Variants in ADGRB3 observed in about 807,000 individuals in gnomAD.
ADGRB3 encodes the protein adhesion G protein-coupled receptor B3, also known as brain-specific angiogenesis inhibitor 3.
A neutral mutation model predicts 193.4 loss-of-function variants in ADGRB3; 37 were observed. That is an observed-to-expected ratio of 0.19 (90% CI 0.15 to 0.25). The LOEUF (loss-of-function observed/expected upper bound fraction) is 0.25, where lower values mean the gene tolerates loss of function less well. ADGRB3 is among the 10% of genes least tolerant of loss of function. ADGRB3 has a pLI of 1.00. For missense variants in ADGRB3, 1,637 were observed against 1,852.9 expected (o/e 0.88, Z 2.14); for synonymous variants, 690 against 644.2 (o/e 1.07, Z -1.08).
At chr6:68,678,273 A>G (rs1764803506) in intron 3 of ADGRB3, among the ~76,000 whole-genome samples, 1 of 152,214 alleles carries the variant, frequency 6.6e-6, no homozygotes, top group Non-Finnish European at 1.5e-5. Flanking sequence ...ATGCAGCCTT[A>G]TCCATCAGTA....
chr6:69,315,198 C>A (rs1413164149), intron 20 of ADGRB3, among the ~76,000 whole-genome samples: 1 of 151,424 alleles, frequency 6.6e-6, no homozygotes, highest in Non-Finnish European at 1.5e-5. Flanking sequence ...CTTTAAAGCA[C>A]AAGGCAACAT....
chr6:69,088,068 C>G (rs1247938371), intron 17 of ADGRB3, among the ~76,000 whole-genome samples: 1 of 152,138 alleles, frequency 6.6e-6, no homozygotes, highest in East Asian at 1.9e-4. Flanking sequence ...AGGGAGGTCT[C>G]TCCCTTTTAT....
At chr6:68,888,646 A>G (rs758521760) in intron 3 of ADGRB3, among the ~76,000 whole-genome samples, 1 of 152,138 alleles carries the variant, frequency 6.6e-6, no homozygotes, top group Non-Finnish European at 1.5e-5. Context: ...ATTATGGAAT[A>G]TAATGAGAGA....
intron 3 of ADGRB3, among the ~76,000 whole-genome samples, chr6:68,648,174 A>G (rs1337082104): frequency 6.6e-6 from 1 of 152,186 alleles, no homozygotes; most frequent in East Asian, 1.9e-4. Context: ...TCAATAAGTA[A>G]CAAATGCACT....
chr6:69,111,309 A>G (rs1385172813), intron 17 of ADGRB3, among the ~76,000 whole-genome samples: 2 of 152,212 alleles, frequency 1.3e-5, no homozygotes, highest in East Asian at 3.8e-4. Context: ...GAATATGTGA[A>G]CAAAACTGAA....
At chr6:69,178,787 A>G (rs1775502635) in intron 17 of ADGRB3, among the ~76,000 whole-genome samples, 2 of 152,156 alleles carry the variant, frequency 1.3e-5, no homozygotes, top group African/African-American at 4.8e-5. Context: ...CTCAGTCTCT[A>G]TTGGTTTATA....
chr6:69,190,546 ATG>A (rs1322889115), intron 17 of ADGRB3, among the ~76,000 whole-genome samples: 1 of 152,100 alleles, frequency 6.6e-6, no homozygotes, highest in African/African-American at 2.4e-5. Flanking sequence ...AAGTTACAGT[ATG>A]TGTGTATAAC....
intron 17 of ADGRB3, among the ~76,000 whole-genome samples, chr6:69,103,353 T>C (rs1230140806): frequency 1.3e-5 from 2 of 152,166 alleles, no homozygotes; most frequent in Admixed American, 6.5e-5. Context: ...TCAAGCAAAG[T>C]AGACATCAAA....
chr6:68,991,834 A>T (rs1244639232), intron 10 of ADGRB3, among the ~76,000 whole-genome samples: 1 of 152,116 alleles, frequency 6.6e-6, no homozygotes, highest in Non-Finnish European at 1.5e-5. Flanking sequence ...TAATATATAG[A>T]TCTATTTTTC....
rs986240530 is a variant in ADGRB3 at position 69,127,282 on chromosome 6, G to A, written c.2480+51244G>A. Among the ~76,000 whole-genome samples, 17 of 152,198 alleles carry A rather than the reference G, an allele frequency of 1.1e-4. No individual in the cohort carries two copies. The East Asian group carries it at 2.9e-3, about 26-fold the overall frequency. ...CATCACAAGCCCACCAAAACACTTT[G>A]TATTTATTATTTCTCTTATTTAGAC... On this transcript the variant is annotated intron_variant, in intron 17 of 31. Transcript: ENST00000370598.
At position 69,018,642 on chromosome 6, in the gene ADGRB3, G is replaced by T. The variant is rs1324292266; in HGVS notation, c.2107+143G>T. On this transcript the variant is annotated intron_variant, in intron 13 of 31. Coordinates refer to ENST00000370598, the MANE Select transcript of ADGRB3 (RefSeq NM_001704.3). ...AATATATTTCTAATACTTGGTATCT[G>T]ACTTTTAGATGGGCCTAAACACATT... 17 of 580,132 alleles carry T rather than the reference G, an allele frequency of 2.9e-5. No individual in the cohort carries two copies. The Admixed American group carries it at 5.2e-4, about 18-fold the overall frequency. The allele number at this position is 580,132 out of a possible 1,614,324, so 35.9% of individuals were successfully genotyped here. A position where few individuals can be genotyped will look rare whatever the true frequency, so the allele number is the denominator to read the frequency against.
chr6:68,915,997 A>G (rs1483543076), intron 3 of ADGRB3, among the ~76,000 whole-genome samples: 1 of 151,906 alleles, frequency 6.6e-6, no homozygotes, highest in Non-Finnish European at 1.5e-5. Context: ...ATAAAGAAAA[A>G]TAAATTAAAG....
At chr6:68,737,945 C>T (rs895757406) in intron 3 of ADGRB3, among the ~76,000 whole-genome samples, 6 of 151,886 alleles carry the variant, frequency 4.0e-5, no homozygotes, top group African/African-American at 7.3e-5. Flanking sequence ...TAAATCTATG[C>T]GTATAATCAC....
intron 20 of ADGRB3, among the ~76,000 whole-genome samples, chr6:69,289,435 AAGG>A (rs1369772351): frequency 1.3e-5 from 2 of 152,302 alleles, no homozygotes; most frequent in East Asian, 1.9e-4. Flanking sequence ...CCAAGAGTGG[AAGG>A]AGGAGTCATT....
At chr6:69,289,983 A>T (rs1767632849) in intron 20 of ADGRB3, among the ~76,000 whole-genome samples, 1 of 151,798 alleles carries the variant, frequency 6.6e-6, no homozygotes, top group South Asian at 2.1e-4. Context: ...CAAACATTGG[A>T]TTTTCTTAGT....
intron 6 of ADGRB3, among the ~76,000 whole-genome samples, chr6:68,945,478 A>G (rs1040718903): frequency 1.3e-5 from 2 of 152,082 alleles, no homozygotes; most frequent in East Asian, 3.8e-4. Context: ...TGTGCTTTCA[A>G]CAAAGATTTG....
Position 69,372,441 on chromosome 6 carries a change from G to A in ADGRB3, c.4275G>A (p.Glu1425=). The stretch of plus-strand genomic sequence containing the variant: ...CACGATATTCAGACCTTGACTTTGA[G>A]GTAAGTTTATATGAATTATTTTAGA... The part of the protein sequence containing the change: ...RKSRYSDLDF[E]KVMHTRKRHM... The change falls in exon 30 of 32, where the codon GAG becomes GAA. Residue 1425 remains glutamate (E), a splice_region_variant and synonymous_variant. Transcript: ENST00000370598. 7.4e-7 allele frequency: 1 copy of A among 1,342,994 alleles called. No individual in the cohort carries two copies. The allele number at this position is 1,342,994 out of a possible 1,614,324, so 83.2% of individuals were successfully genotyped here. A position where few individuals can be genotyped will look rare whatever the true frequency, so the allele number is the denominator to read the frequency against.
intron 17 of ADGRB3, among the ~76,000 whole-genome samples, chr6:69,200,305 T>C (rs567198490): frequency 2.2e-3 from 337 of 152,206 alleles, no homozygotes; most frequent in African/African-American, 7.6e-3. Flanking sequence ...ATTCTAGATA[T>C]CATATTCTTG....
chr6:68,767,245 A>C (rs1419312732), intron 3 of ADGRB3, among the ~76,000 whole-genome samples: 6 of 152,170 alleles, frequency 3.9e-5, no homozygotes, highest in African/African-American at 1.4e-4. Flanking sequence ...GGAATCTGCA[A>C]GTTAAGAAAT....
Sources: allele counts gnomAD v4.1 joint callset (sites outside exome capture counted in the v4.1 genomes callset), GRCh38; gene constraint gnomAD v4.1.1; transcripts MANE v1.5; gene names NCBI Gene and HGNC (gene_info 2026-07-23, HGNC 2026-07-21).